CBX7: variants seen among roughly 807,000 people sequenced by gnomAD.
CBX7 encodes the protein chromobox protein homolog 7.
Under a neutral mutation model 31.4 loss-of-function variants are expected in CBX7, and 14 were observed. The observed-to-expected ratio is 0.45, with a 90% CI of 0.29 to 0.70. The LOEUF (loss-of-function observed/expected upper bound fraction) is 0.70. Among genes scored for constraint, CBX7 ranks in the 30% least tolerant of loss-of-function variants. CBX7 has a pLI of 0.11. For missense variants in CBX7, 269 were observed against 351.9 expected, an observed-to-expected ratio of 0.76 and a Z score of 1.89; for synonymous variants, 159 against 152.6, an observed-to-expected ratio of 1.04 and a Z score of -0.31.
At position 39,141,248 on chromosome 22, in the gene CBX7, G is replaced by C. The variant is rs546428951; in HGVS notation, c.179+123C>G. 147 of 729,852 alleles carry C rather than the reference G, an allele frequency of 2.0e-4. No homozygotes were observed. The South Asian group carries it at 2.3e-3, about 11-fold the overall frequency. The allele number at this position is 729,852 out of a possible 1,614,324, so 45.2% of individuals were successfully genotyped here. A position where few individuals can be genotyped will look rare whatever the true frequency, so the allele number is the denominator to read the frequency against. On this transcript the variant is annotated intron_variant, in intron 3 of 5. Coordinates refer to ENST00000216133, the MANE Select transcript of CBX7 (RefSeq NM_175709.5). ...CCATTTTCACCCAGCTGCAGGCTGG[G>C]CTGGCCTGCCCCATCGGACACCCCT...
At chr22:39,151,073 T>C (rs1010605570) in intron 1 of CBX7, among the ~76,000 whole-genome samples, 3 of 152,138 alleles carry the variant, frequency 2.0e-5, no homozygotes, top group Non-Finnish European at 4.4e-5. Context: ...AATAAATATT[T>C]TGAGTGACTG....
intron 3 of CBX7, 36 bp downstream of exon 3, chr22:39,141,335 C>A: frequency 1.3e-6 from 2 of 1,590,518 alleles, no homozygotes; most frequent in South Asian, 2.3e-5. Context: ...CTGAGCCGGC[C>A]CTAAGCCCCA....
chr22:39,143,526 A>C (rs758475096), intron 2 of CBX7, among the ~76,000 whole-genome samples: 1 of 152,232 alleles, frequency 6.6e-6, no homozygotes, highest in African/African-American at 2.4e-5. Flanking sequence ...AGTGTAGCCT[A>C]AGTGTTCAAT....
chr22:39,141,743 TA>T (rs139392), intron 2 of CBX7, among the ~76,000 whole-genome samples: 5,089 of 122,302 alleles, frequency 0.042, 128 homozygotes, highest in Non-Finnish European at 0.056. Flanking sequence ...AGTAAGACTC[TA>T]AAAAAAAAAA....
chr22:39,134,990 C>A, intron 4 of CBX7: 1 of 495,666 alleles, frequency 2.0e-6, no homozygotes, highest in East Asian at 3.2e-5. Flanking sequence ...CACTCGCGTC[C>A]CAGCGTTTAC....
chr22:39,151,677 A>G (rs1015561170), intron 1 of CBX7, among the ~76,000 whole-genome samples: 4 of 152,224 alleles, frequency 2.6e-5, no homozygotes, highest in African/African-American at 9.6e-5. Context: ...TGTAGACGCC[A>G]GGCCCGGACA....
chr22:39,152,538 G>C lies in CBX7; in HGVS notation c.-94C>G, dbSNP rs944965833. 2 of 492,830 alleles carry C rather than the reference G, an allele frequency of 4.1e-6. No homozygotes were observed. The highest frequency in any genetic ancestry group is 4.2e-5 in the African/African-American group (2 of 47,556). The allele number at this position is 492,830 out of a possible 1,614,324, so 30.5% of individuals were successfully genotyped here. A position where few individuals can be genotyped will look rare whatever the true frequency, so the allele number is the denominator to read the frequency against. ...GGCGCGCGATGCTGGGGCTGGCGGG[G>C]TCCCCGTCACCCTCGTCCGGGCGCG... On this transcript the variant is annotated 5_prime_UTR_variant, in exon 1 of 6. Transcript: ENST00000216133. This position sits in a 1 kb window ranked among gnomAD's most constrained non-coding sequence, Gnocchi z 4.9.
chr22:39,149,682 A>C (rs2146373297), intron 2 of CBX7, 107 bp downstream of exon 2: 1 of 894,622 alleles, frequency 1.1e-6, no homozygotes, highest in Non-Finnish European at 1.9e-6. Context: ...TCCAGTTACA[A>C]GAGTAGCTGG....
At chr22:39,140,394 G>A (rs1210196332) in intron 3 of CBX7, among the ~76,000 whole-genome samples, 1 of 152,218 alleles carries the variant, frequency 6.6e-6, no homozygotes, top group Non-Finnish European at 1.5e-5. Context: ...CTGGGAGGCA[G>A]AAAGAAACCC....
chr22:39,150,282 C>T (rs763269616), intron 1 of CBX7, among the ~76,000 whole-genome samples: 2 of 152,220 alleles, frequency 1.3e-5, no homozygotes, highest in Non-Finnish European at 2.9e-5. Flanking sequence ...GCTCCTCCCC[C>T]ATCTGCTGAG....
chr22:39,152,344 G>T lies in CBX7; in HGVS notation c.69+32C>A. On this transcript the variant is annotated intron_variant, in intron 1 of 5. Coordinates refer to ENST00000216133, the MANE Select transcript of CBX7 (RefSeq NM_175709.5). The surrounding 1 kb of genome is among the most constrained non-coding windows in gnomAD (Gnocchi z 4.9). ...GCTGGGGACGGGAGGGACCCCACTG[G>T]GGTCCTGGGAGCCGCCCCCGGGCAG... is the stretch of plus-strand genomic sequence containing the variant. The T allele has an allele frequency of 7.4e-7, 1 of 1,354,108 alleles. No homozygotes were observed. The highest frequency in any genetic ancestry group is 1.5e-5 in the African/African-American group (1 of 66,236). The allele number at this position is 1,354,108 out of a possible 1,614,324, so 83.9% of individuals were successfully genotyped here. A position where few individuals can be genotyped will look rare whatever the true frequency, so the allele number is the denominator to read the frequency against.
intron 1 of CBX7, among the ~76,000 whole-genome samples, chr22:39,151,089 A>T (rs368077340): frequency 1.3e-5 from 2 of 152,244 alleles, no homozygotes; most frequent in East Asian, 3.8e-4. Context: ...GACTGGCCGA[A>T]GGAATGATGA....
rs868446954 is a variant in CBX7, at chr22:39,132,235, G to A, written c.*1656C>T. The A allele has an allele frequency of 5.9e-5, 9 of 152,300 alleles. No individual in the cohort carries two copies. The South Asian group carries it at 8.3e-4, about 14-fold the overall frequency. 9.4% of individuals were successfully genotyped at this position (152,300 alleles called of 1,614,324 possible). A position where few individuals can be genotyped will look rare whatever the true frequency, so the allele number is the denominator to read the frequency against. ...CTTTGGTTTGGGAACCAGGGAAGAA[G>A]GGATTTGGGGAAAGAATCACCCTCT... On this transcript the variant is annotated 3_prime_UTR_variant, in exon 6 of 6. Transcript: ENST00000216133.
At chr22:39,145,261 G>C (rs533225599) in intron 2 of CBX7, among the ~76,000 whole-genome samples, 7 of 152,146 alleles carry the variant, frequency 4.6e-5, no homozygotes, top group Non-Finnish European at 1.0e-4. Context: ...GGACCCAGCC[G>C]GTAAGGAGGA....
intron 4 of CBX7, among the ~76,000 whole-genome samples, chr22:39,138,162 G>A (rs1422819490): frequency 1.4e-5 from 2 of 138,806 alleles, no homozygotes; most frequent in African/African-American, 2.7e-5. Flanking sequence ...CAGCCTGAGC[G>A]ACAGAGCGAG....
rs1399074470 is a variant in CBX7 at position 39,137,278 on chromosome 22, G to C, written c.246+1358C>G. On this transcript the variant is annotated intron_variant, in intron 4 of 5. Coordinates refer to ENST00000216133, the MANE Select transcript of CBX7 (RefSeq NM_175709.5). ...GACTGCTCCAATGAACACTTCCTTT[G>C]AACATCATTTTGGTGCTCAAAATGT... 2.2e-5 allele frequency among the ~76,000 whole-genome samples: 3 copies of C among 136,308 alleles called. No individual in the cohort carries two copies. In the East Asian group the frequency reaches 6.4e-4, roughly 29 times the overall value. The allele number at this position is 136,308 out of a possible 152,430, so 89.4% of individuals were successfully genotyped here.
chr22:39,134,515 T>TG lies in CBX7; in HGVS notation c.483dup (p.Asn162GlnfsTer36). Reference sequence around the variant, plus strand: ...CGTCGATGGCTGTGGCTCTCCAGGTTGGGCCCGCGGGGCGGGAACTTCTTG... The same window carrying TG: ...CGTCGATGGCTGTGGCTCTCCAGGTTGGGGCCCGCGGGGCGGGAACTTCTTG... On this transcript the variant is annotated frameshift_variant, in exon 5 of 6. Coordinates refer to ENST00000216133, the MANE Select transcript of CBX7 (RefSeq NM_175709.5). LOFTEE classifies it high-confidence loss of function. 1 of 1,612,178 alleles carries TG rather than the reference T, an allele frequency of 6.2e-7. No individual in the cohort carries two copies. Among genetic ancestry groups the TG allele is most frequent in the Non-Finnish European group, 8.5e-7 (1 of 1,179,726 alleles).
intron 5 of CBX7, 90 bp downstream of exon 5, chr22:39,134,311 C>G: frequency 8.7e-7 from 1 of 1,150,700 alleles, no homozygotes; most frequent in Non-Finnish European, 1.2e-6. Context: ...CAAAGCACTA[C>G]AGGCCCTCTT....
chr22:39,139,126 C>G (rs1930357908), intron 3 of CBX7, among the ~76,000 whole-genome samples: 1 of 152,092 alleles, frequency 6.6e-6, no homozygotes, highest in South Asian at 2.1e-4. Context: ...TGGCTAGTCC[C>G]TCTGCAAGTA....
Sources: allele counts gnomAD v4.1 joint callset (sites outside exome capture counted in the v4.1 genomes callset), GRCh38; gene constraint gnomAD v4.1.1; non-coding constraint Gnocchi (gnomAD v3.1); transcripts MANE v1.5; gene names NCBI Gene and HGNC (gene_info 2026-07-23, HGNC 2026-07-21).